The following WDFY4 variants were observed in gnomAD, a reference collection of about 807,000 sequenced individuals.
WDFY4 encodes the protein WDFY family member 4, also known as WD repeat- and FYVE domain-containing protein 4.
Under a neutral mutation model 351.9 loss-of-function variants are expected in WDFY4, and 169 were observed. That is an observed-to-expected ratio of 0.48 (90% CI 0.42 to 0.55). The LOEUF is 0.55. WDFY4 is among the 20% of genes least tolerant of loss of function. The pLI is 0.00. For missense variants in WDFY4, 3,803 were observed against 3,935.6 expected, an observed-to-expected ratio of 0.97 and a Z score of 0.90; for synonymous variants, 1,622 against 1,574.6, an observed-to-expected ratio of 1.03 and a Z score of -0.71.
In WDFY4 at chr10:48,941,870, G is replaced by A. The variant is rs533090111; in HGVS notation, c.7629+22G>A. ...GCAGGTACAGTAGCTCCTCCAGAGGGAAGCCCTCTGGGAATGCAAACCAGA... is the reference window on the plus strand; with the variant it reads ...GCAGGTACAGTAGCTCCTCCAGAGGAAAGCCCTCTGGGAATGCAAACCAGA... On this transcript the variant is annotated intron_variant, in intron 48 of 61. Coordinates refer to ENST00000325239, the MANE Select transcript of WDFY4 (RefSeq NM_001394531.1). The A allele has an allele frequency of 1.9e-6, 3 of 1,551,604 alleles. No homozygotes were observed. The Admixed American group carries it at 5.9e-5, about 30-fold the overall frequency.
At chr10:48,750,979 G>T (rs2065163794) in intron 12 of WDFY4, among the ~76,000 whole-genome samples, 1 of 152,242 alleles carries the variant, frequency 6.6e-6, no homozygotes, top group Admixed American at 6.5e-5. Context: ...GGCAGGGAGG[G>T]TTGGCAAGGC....
At chr10:48,826,342 A>G (rs1436592014) in intron 35 of WDFY4, among the ~76,000 whole-genome samples, 1 of 152,158 alleles carries the variant, frequency 6.6e-6, no homozygotes, top group African/African-American at 2.4e-5. Flanking sequence ...AATTCTGTAC[A>G]AAAACAGTAC....
intron 1 of WDFY4, among the ~76,000 whole-genome samples, chr10:48,688,619 G>A (rs768357219): frequency 3.9e-4 from 59 of 151,992 alleles, no homozygotes; most frequent in Admixed American, 2.3e-3. Flanking sequence ...TGTTCAAAAT[G>A]CAAGCATTTT....
chr10:48,731,914 G>C (rs888745138), intron 9 of WDFY4, among the ~76,000 whole-genome samples: 15 of 152,154 alleles, frequency 9.9e-5, no homozygotes, highest in Non-Finnish European at 4.4e-5. Flanking sequence ...GGGCCCTCCT[G>C]GGGTCTGCTG....
At chr10:48,711,923 C>T (rs1448862754) in intron 2 of WDFY4, among the ~76,000 whole-genome samples, 1 of 152,118 alleles carries the variant, frequency 6.6e-6, no homozygotes, top group Admixed American at 6.5e-5. Context: ...TATGGGGTTC[C>T]CCAGCTAACC....
intron 47 of WDFY4, chr10:48,910,953 G>A (rs1382469211): frequency 7.2e-6 from 7 of 977,360 alleles, no homozygotes; most frequent in Non-Finnish European, 7.3e-6. Context: ...CCTAAGGAGG[G>A]AAAATTAATT....
intron 2 of WDFY4, among the ~76,000 whole-genome samples, chr10:48,710,276 G>A (rs1169828056): frequency 3.3e-5 from 5 of 152,206 alleles, no homozygotes; most frequent in African/African-American, 1.2e-4. Flanking sequence ...TTATGTAGTG[G>A]AAGGGGTGAG....
chr10:48,923,777 G>C (rs1839331324), intron 47 of WDFY4, among the ~76,000 whole-genome samples: 3 of 152,164 alleles, frequency 2.0e-5, no homozygotes, highest in Admixed American at 2.0e-4. Flanking sequence ...AGATTCCCCT[G>C]AACACCAAAA....
At chr10:48,820,579 A>C (rs1024917165) in intron 33 of WDFY4, 142 bp downstream of exon 33, 1 of 891,412 alleles carries the variant, frequency 1.1e-6, no homozygotes, top group Admixed American at 2.8e-5. Flanking sequence ...ATGGGCCCCA[A>C]AAAAGCAACA....
intron 39 of WDFY4, among the ~76,000 whole-genome samples, chr10:48,847,018 G>C (rs1001333886): frequency 1.3e-5 from 2 of 152,306 alleles, no homozygotes; most frequent in Non-Finnish European, 2.9e-5. Flanking sequence ...TATTTGGAGT[G>C]AAAGTTCCTA....
In WDFY4 at chr10:48,814,011, G is replaced by A; in HGVS notation, c.5269G>A (p.Val1757Ile). Residue 1757 changes from valine to isoleucine, a missense_variant, in exon 31 of 62, where the codon GTC becomes ATC. Transcript: ENST00000325239. Reference sequence around the variant, plus strand: ...CCTGCAGAGGCACCACCAGGAAGAAGTCCTCCAGGCTGGGCTGTGCACAGA... The same window carrying A: ...CCTGCAGAGGCACCACCAGGAAGAAATCCTCCAGGCTGGGCTGTGCACAGA... ...WLLQRHHQEE[V>I]LQAGLCTEGA... The A allele has an allele frequency of 6.4e-7, 1 of 1,550,856 alleles. No individual in the cohort carries two copies. The highest frequency in any genetic ancestry group is 8.7e-7 in the Non-Finnish European group (1 of 1,146,476).
intron 43 of WDFY4, among the ~76,000 whole-genome samples, chr10:48,885,637 A>G (rs189500074): frequency 6.6e-6 from 1 of 152,320 alleles, no homozygotes; most frequent in African/African-American, 2.4e-5. Context: ...AGATCGATGC[A>G]TCATTACATT....
intron 44 of WDFY4, among the ~76,000 whole-genome samples, chr10:48,891,620 CCAG>C (rs1302249456): frequency 6.6e-6 from 1 of 152,224 alleles, no homozygotes; most frequent in Non-Finnish European, 1.5e-5. Context: ...CTAGCTGACA[CCAG>C]CATAGCCTGG....
At chr10:48,803,511 G>A (rs1224187208) in intron 25 of WDFY4, among the ~76,000 whole-genome samples, 152 bp downstream of exon 25, 2 of 152,098 alleles carry the variant, frequency 1.3e-5, no homozygotes. Flanking sequence ...TGCTTGTGGG[G>A]CAGTCTCCTC....
chr10:48,727,692 A>G lies in WDFY4; in HGVS notation c.971+33A>G, dbSNP rs777647111. On this transcript the variant is annotated intron_variant, in intron 7 of 61. Transcript: ENST00000325239. ...GCTGTGTTTGGTACGGGGAGAGCAC[A>G]GGACCACCAAAGCCTTAGTCCTCAG... 2.7e-5 allele frequency: 42 copies of G among 1,548,500 alleles called. No individual in the cohort carries two copies. The Middle Eastern group carries it at 6.7e-4, about 25-fold the overall frequency.
chr10:48,729,410 C>A (rs1293527919), intron 7 of WDFY4, 22 bp from the exon 8 acceptor site: 1 of 1,549,580 alleles, frequency 6.5e-7, no homozygotes. Context: ...GTACAGGGAG[C>A]TGGCCTCATC....
chr10:48,894,462 GAA>G (rs769594674), intron 44 of WDFY4, among the ~76,000 whole-genome samples: 6 of 152,204 alleles, frequency 3.9e-5, no homozygotes, highest in Non-Finnish European at 8.8e-5. Flanking sequence ...CATGACCTTG[GAA>G]AAGTCTCACC....
intron 39 of WDFY4, among the ~76,000 whole-genome samples, chr10:48,853,496 T>C (rs1480169435): frequency 6.6e-6 from 1 of 152,208 alleles, no homozygotes; most frequent in Non-Finnish European, 1.5e-5. Context: ...TTGAGTGGGA[T>C]TCTTCCACAA....
intron 55 of WDFY4, 93 bp from the exon 56 acceptor site, chr10:48,968,971 C>T: frequency 7.6e-7 from 1 of 1,316,018 alleles, no homozygotes; most frequent in Non-Finnish European, 1.0e-6. Flanking sequence ...AAGTTCAAGT[C>T]CAGTGTGTCT....
Sources: allele counts gnomAD v4.1 joint callset (sites outside exome capture counted in the v4.1 genomes callset), GRCh38; gene constraint gnomAD v4.1.1; transcripts MANE v1.5; gene names NCBI Gene and HGNC (gene_info 2026-07-23, HGNC 2026-07-21).